Variants in PLCE1 observed in about 807,000 individuals in gnomAD.
PLCE1 encodes 1-phosphatidylinositol 4,5-bisphosphate phosphodiesterase epsilon-1.
Under a neutral mutation model 242.8 loss-of-function variants are expected in PLCE1, and 119 were observed. That is an observed-to-expected ratio of 0.49 (90% CI 0.42 to 0.57). PLCE1 has a LOEUF of 0.57. PLCE1 is among the 20% of genes least tolerant of loss of function. The pLI, the probability that PLCE1 is intolerant of heterozygous loss-of-function variation, is 0.00. For missense variants in PLCE1, 2,441 were observed against 2,788.8 expected (o/e 0.88, Z 2.81); for synonymous variants, 945 against 1,017.4 (o/e 0.93, Z 1.35).
At chr10:94,154,806 A>C (rs2047377850) in intron 3 of PLCE1, among the ~76,000 whole-genome samples, 1 of 151,740 alleles carries the variant, frequency 6.6e-6, no homozygotes, top group African/African-American at 2.4e-5. Context: ...TAGGAGGCCA[A>C]GGTGGAAAGA....
chr10:94,236,163 T>C (rs2050317917), intron 7 of PLCE1, 43 bp downstream of exon 7: 2 of 1,533,264 alleles, frequency 1.3e-6, no homozygotes, highest in African/African-American at 2.7e-5. Flanking sequence ...CATCTCTTCT[T>C]TTTTCCTGTT....
At chr10:94,102,726 C>T (rs1031076856) in intron 2 of PLCE1, among the ~76,000 whole-genome samples, 12 of 152,326 alleles carry the variant, frequency 7.9e-5, no homozygotes, top group African/African-American at 2.9e-4. Flanking sequence ...CAGCCCTGGG[C>T]TGCACTCCCA....
chr10:94,162,562 C>A (rs2136228882), intron 3 of PLCE1, among the ~76,000 whole-genome samples: 1 of 152,018 alleles, frequency 6.6e-6, no homozygotes, highest in East Asian at 1.9e-4. Flanking sequence ...TTTTATTAGT[C>A]TTGCTAGCAG....
intron 8 of PLCE1, among the ~76,000 whole-genome samples, chr10:94,250,237 C>T (rs534866706): frequency 6.6e-6 from 1 of 151,790 alleles, no homozygotes. Flanking sequence ...TGCGGTGGCT[C>T]AGAGCTGTAA....
chr10:94,037,350 G>C (rs1013731592), intron 2 of PLCE1, among the ~76,000 whole-genome samples: 1 of 152,186 alleles, frequency 6.6e-6, no homozygotes, highest in Non-Finnish European at 1.5e-5. Flanking sequence ...AATTTTTATG[G>C]ATGATAAAAT....
rs573954218 is a variant in PLCE1 at position 94,204,748 on chromosome 10, GAGGA to G, written c.1810-22507_1810-22504del. The stretch of plus-strand genomic sequence containing the variant: ...GGAAGGAAGGAAAGAAGAAGGGAGG[GAGGA>G]AGGAAGGAAGGAAGGAAGGAAGGAA... On this transcript the variant is annotated intron_variant, in intron 4 of 32. Coordinates refer to ENST00000371380, the MANE Select transcript of PLCE1 (RefSeq NM_016341.4). Among the ~76,000 whole-genome samples, 115 of 122,448 alleles carry G rather than the reference GAGGA, an allele frequency of 9.4e-4. 1 individual carries two copies. Among genetic ancestry groups the G allele is most frequent in the African/African-American group, 3.8e-3 (115 of 30,370 alleles). 80.3% of individuals were successfully genotyped at this position (122,448 alleles called of 152,430 possible).
chr10:94,095,169 G>A (rs781029445), intron 2 of PLCE1, among the ~76,000 whole-genome samples: 71 of 152,178 alleles, frequency 4.7e-4, no homozygotes, highest in Non-Finnish European at 4.6e-4. Context: ...GCAAAGACCC[G>A]TTGGCCACAT....
At position 94,030,773 on chromosome 10, in the gene PLCE1, C is replaced by CA; in HGVS notation, c.-268dup. 2.2e-6 allele frequency: 1 copy of CA among 459,006 alleles called. No individual in the cohort carries two copies. Among genetic ancestry groups the CA allele is most frequent in the Non-Finnish European group, 3.9e-6 (1 of 254,174 alleles). The allele number at this position is 459,006 out of a possible 1,614,324, so 28.4% of individuals were successfully genotyped here. On this transcript the variant is annotated 5_prime_UTR_variant, in exon 2 of 33. It introduces an in-frame stop codon into an upstream open reading frame of the 5' UTR. Coordinates refer to ENST00000371380, the MANE Select transcript of PLCE1 (RefSeq NM_016341.4). ...GAGTGCAATCCCGAGTAAAAGTCTT[C>CA]AAAAAATTTTGCTTCAGGTAACAGA...
At chr10:94,241,199 T>C (rs1389355782) in intron 7 of PLCE1, among the ~76,000 whole-genome samples, 2 of 152,162 alleles carry the variant, frequency 1.3e-5, no homozygotes, top group Admixed American at 6.5e-5. Context: ...GCGTCCCCTC[T>C]CTCCCAGCTT....
intron 20 of PLCE1, among the ~76,000 whole-genome samples, chr10:94,281,295 A>T (rs570137566): frequency 6.6e-6 from 1 of 152,332 alleles, no homozygotes; most frequent in East Asian, 1.9e-4. Context: ...GCTCTTTCAT[A>T]AATTACTCCT....
chr10:94,283,881 A>G lies in PLCE1; in HGVS notation c.4887A>G (p.Lys1629=), dbSNP rs1410765685. 12 of 1,612,150 alleles carry G rather than the reference A, an allele frequency of 7.4e-6. No individual in the cohort carries two copies. Among genetic ancestry groups the G allele is most frequent in the African/African-American group, 2.7e-5 (2 of 74,872 alleles). ...YNEEIPKRIK[K]ADNSACNKGK... ...AAGAAATCCCAAAGAGGATAAAGAAAGCAGATAACTCTGCTTGCAACAAAG... is the reference window on the plus strand; with the variant it reads ...AAGAAATCCCAAAGAGGATAAAGAAGGCAGATAACTCTGCTTGCAACAAAG... The change falls in exon 21 of 33, where the codon AAA becomes AAG. Residue 1629 remains lysine (K), a synonymous_variant. Coordinates refer to ENST00000371380, the MANE Select transcript of PLCE1 (RefSeq NM_016341.4).
chr10:94,083,385 T>G (rs1395192225), intron 2 of PLCE1, among the ~76,000 whole-genome samples: 1 of 152,082 alleles, frequency 6.6e-6, no homozygotes, highest in Non-Finnish European at 1.5e-5. Flanking sequence ...CATCAGCCCA[T>G]TTTTTTGGGG....
intron 24 of PLCE1, among the ~76,000 whole-genome samples, chr10:94,301,862 ACTT>A (rs140311370): frequency 0.071 from 10,759 of 152,148 alleles, 513 homozygotes; most frequent in East Asian, 0.19. Flanking sequence ...CAAAAGAAAA[ACTT>A]CTTTTTTTAA....
intron 11 of PLCE1, 113 bp downstream of exon 11, chr10:94,255,162 T>A: frequency 7.3e-7 from 1 of 1,361,180 alleles, no homozygotes; most frequent in East Asian, 2.3e-5. Context: ...TGATGTATAG[T>A]TGAACTGAAA....
At chr10:94,258,412 A>G (rs1179183983) in intron 11 of PLCE1, among the ~76,000 whole-genome samples, 3 of 152,250 alleles carry the variant, frequency 2.0e-5, no homozygotes, top group Non-Finnish European at 4.4e-5. Context: ...CTTAGAATAT[A>G]GAAAAGAACG....
intron 2 of PLCE1, among the ~76,000 whole-genome samples, chr10:94,080,513 G>A (rs1269586177): frequency 6.6e-6 from 1 of 152,218 alleles, no homozygotes; most frequent in Non-Finnish European, 1.5e-5. Context: ...GACTATTTGT[G>A]CAGTGAATGA....
intron 2 of PLCE1, among the ~76,000 whole-genome samples, chr10:94,047,677 G>A (rs1212561446): frequency 6.6e-6 from 1 of 152,048 alleles, no homozygotes; most frequent in East Asian, 1.9e-4. Flanking sequence ...TGTTTATATA[G>A]TTAGTCATTT....
At position 94,304,659 on chromosome 10, in the gene PLCE1, C is replaced by G. The variant is rs764707228; in HGVS notation, c.5622+14C>G. On this transcript the variant is annotated intron_variant, in intron 25 of 32. Coordinates refer to ENST00000371380, the MANE Select transcript of PLCE1 (RefSeq NM_016341.4). ...TATTCTTTAACTGTAAGTACGGCCC[C>G]TAGAGAAAGAACATAAGGTCGGGTT... 1.2e-6 allele frequency: 2 copies of G among 1,613,286 alleles called. No homozygotes were observed. The highest frequency in any genetic ancestry group is 1.7e-5 in the Admixed American group (1 of 60,014).
intron 22 of PLCE1, among the ~76,000 whole-genome samples, chr10:94,290,585 C>G (rs1350442618): frequency 6.6e-6 from 1 of 151,768 alleles, no homozygotes; most frequent in East Asian, 1.9e-4. Flanking sequence ...CAATAACAAG[C>G]ATGGAGCTAT....
Sources: allele counts gnomAD v4.1 joint callset (sites outside exome capture counted in the v4.1 genomes callset), GRCh38; gene constraint gnomAD v4.1.1; transcripts MANE v1.5; gene names NCBI Gene and HGNC (gene_info 2026-07-23, HGNC 2026-07-21).